Variants in DCC observed in about 807,000 individuals in gnomAD.
DCC encodes the protein netrin receptor DCC.
DCC carries 58 observed loss-of-function variants against 172.5 expected under a neutral mutation model. The ratio of observed to expected loss-of-function variants is 0.34; its 90% confidence interval spans 0.27 to 0.42. DCC has a LOEUF of 0.42. DCC is among the 10% of genes least tolerant of loss of function. The probability of loss-of-function intolerance (pLI) is 1.00; values close to 1 mark genes in which losing one functional copy is unlikely to be tolerated. For missense variants in DCC, 1,740 were observed against 1,791.0 expected, an observed-to-expected ratio of 0.97 and a Z score of 0.51; for synonymous variants, 709 against 644.5, an observed-to-expected ratio of 1.10 and a Z score of -1.52.
At chr18:52,773,122 C>G (rs1352784008) in intron 2 of DCC, among the ~76,000 whole-genome samples, 1 of 152,160 alleles carries the variant, frequency 6.6e-6, no homozygotes, top group Non-Finnish European at 1.5e-5. Flanking sequence ...CTGCAAATAA[C>G]TTTGCAAAAG....
At chr18:53,071,956 C>A (rs1457514774) in intron 7 of DCC, among the ~76,000 whole-genome samples, 1 of 151,952 alleles carries the variant, frequency 6.6e-6, no homozygotes. Flanking sequence ...TGGAGAAACC[C>A]CATCTCTACT....
At chr18:52,522,000 C>G (rs1225941972) in intron 1 of DCC, among the ~76,000 whole-genome samples, 1 of 152,144 alleles carries the variant, frequency 6.6e-6, no homozygotes, top group Non-Finnish European at 1.5e-5. Context: ...TAAACATTGT[C>G]TGCAAGCTGA....
intron 9 of DCC, among the ~76,000 whole-genome samples, chr18:53,203,407 GA>G (rs765539098): frequency 6.6e-6 from 1 of 150,918 alleles, no homozygotes; most frequent in African/African-American, 2.4e-5. Context: ...TGGCAAGAAG[GA>G]AAAAAAACAC....
chr18:53,129,145 C>G (rs185502175), intron 7 of DCC, among the ~76,000 whole-genome samples: 195 of 151,964 alleles, frequency 1.3e-3, no homozygotes, highest in African/African-American at 4.3e-3. Flanking sequence ...CCTCAGCCTC[C>G]CAAAGTGCTA....
At chr18:53,084,502 C>G (rs2042851519) in intron 7 of DCC, among the ~76,000 whole-genome samples, 1 of 152,068 alleles carries the variant, frequency 6.6e-6, no homozygotes, top group South Asian at 2.1e-4. Context: ...TGAGTTGCTG[C>G]TCTCTGGTGG....
chr18:53,438,054 G>C (rs1434847320), intron 22 of DCC, among the ~76,000 whole-genome samples: 1 of 152,216 alleles, frequency 6.6e-6, no homozygotes, highest in Non-Finnish European at 1.5e-5. Context: ...CTGAGATACA[G>C]AGCTTCTGAC....
intron 5 of DCC, among the ~76,000 whole-genome samples, chr18:53,056,806 C>T (rs934509770): frequency 2.0e-5 from 3 of 151,862 alleles, no homozygotes; most frequent in Non-Finnish European, 4.4e-5. Context: ...AAAATCTGTT[C>T]ATCAATCTGG....
chr18:53,493,492 A>G (rs150504336), intron 26 of DCC, among the ~76,000 whole-genome samples: 217 of 151,916 alleles, frequency 1.4e-3, no homozygotes, highest in African/African-American at 5.0e-3. Context: ...TTATTTTGAG[A>G]TACGTTCCAT....
At chr18:52,857,301 A>C (rs879655374) in intron 2 of DCC, among the ~76,000 whole-genome samples, 3 of 152,226 alleles carry the variant, frequency 2.0e-5, no homozygotes, top group Non-Finnish European at 4.4e-5. Flanking sequence ...ATGCTAATGG[A>C]TGGGCAAGAG....
intron 7 of DCC, among the ~76,000 whole-genome samples, chr18:53,119,306 T>A (rs2043449933): frequency 6.6e-6 from 1 of 151,810 alleles, no homozygotes; most frequent in Non-Finnish European, 1.5e-5. Context: ...TCTTTTCTGG[T>A]ATTTATCTCA....
chr18:53,264,536 C>T (rs1041379800), intron 12 of DCC, among the ~76,000 whole-genome samples: 1 of 150,784 alleles, frequency 6.6e-6, no homozygotes, highest in South Asian at 2.1e-4. Context: ...ACCTCCTAGG[C>T]AATCCCCATG....
chr18:52,929,750 A>G (rs1053462552), intron 5 of DCC, among the ~76,000 whole-genome samples: 1 of 152,028 alleles, frequency 6.6e-6, no homozygotes, highest in African/African-American at 2.4e-5. Context: ...ATAAATAAAA[A>G]TGTTAAAACT....
intron 5 of DCC, among the ~76,000 whole-genome samples, chr18:52,928,261 T>G (rs2040250094): frequency 6.6e-6 from 1 of 152,066 alleles, no homozygotes; most frequent in Admixed American, 6.6e-5. Flanking sequence ...ATGTTTAGTT[T>G]CCAATGTGGG....
intron 1 of DCC, among the ~76,000 whole-genome samples, chr18:52,540,476 T>A (rs1319199188): frequency 6.6e-6 from 1 of 152,120 alleles, no homozygotes. Context: ...TTGACATTGC[T>A]TTGTCTTTTG....
At chr18:53,397,817 G>GA (rs1478733513) in intron 18 of DCC, among the ~76,000 whole-genome samples, 1 of 151,804 alleles carries the variant, frequency 6.6e-6, no homozygotes, top group Non-Finnish European at 1.5e-5. Flanking sequence ...TTCTCATTTT[G>GA]AAAAAAAGAA....
intron 3 of DCC, among the ~76,000 whole-genome samples, chr18:52,913,309 G>C (rs568664676): frequency 6.6e-6 from 1 of 152,030 alleles, no homozygotes; most frequent in Non-Finnish European, 1.5e-5. Flanking sequence ...ACTTACTGTG[G>C]ATACATAGAC....
chr18:52,989,240 T>G (rs2041343367), intron 5 of DCC, among the ~76,000 whole-genome samples: 1 of 152,136 alleles, frequency 6.6e-6, no homozygotes, highest in Non-Finnish European at 1.5e-5. Flanking sequence ...ATTGTTTCCT[T>G]GGCTGGGTGT....
chr18:53,281,408 G>T (rs141162161), intron 12 of DCC, among the ~76,000 whole-genome samples: 5 of 152,118 alleles, frequency 3.3e-5, no homozygotes, highest in African/African-American at 1.2e-4. Flanking sequence ...ACAATATATT[G>T]CATGGCTGAG....
At chr18:52,955,070 G>T (rs962768867) in intron 5 of DCC, among the ~76,000 whole-genome samples, 1 of 152,032 alleles carries the variant, frequency 6.6e-6, no homozygotes, top group African/African-American at 2.4e-5. Context: ...ATCACCCAAG[G>T]TCCATAATTT....
Sources: allele counts gnomAD v4.1 joint callset (sites outside exome capture counted in the v4.1 genomes callset), GRCh38; gene constraint gnomAD v4.1.1; transcripts MANE v1.5; gene names NCBI Gene and HGNC (gene_info 2026-07-23, HGNC 2026-07-21).